The following IFT88 variants were observed in gnomAD, a reference collection of about 807,000 sequenced individuals.
IFT88 encodes the protein intraflagellar transport protein 88 homolog.
IFT88 carries 74 observed loss-of-function variants against 119.5 expected under a neutral mutation model. That is an observed-to-expected ratio of 0.62 (90% CI 0.51 to 0.75). IFT88 has a LOEUF of 0.75. Ranked by LOEUF, IFT88 falls within the 30% of genes least tolerant of loss-of-function variation. The probability of loss-of-function intolerance (pLI) is 0.00; values close to 1 mark genes in which losing one functional copy is unlikely to be tolerated. For missense variants in IFT88, 961 were observed against 977.7 expected, an observed-to-expected ratio of 0.98 and a Z score of 0.23; for synonymous variants, 279 against 316.7, an observed-to-expected ratio of 0.88 and a Z score of 1.26.
At chr13:20,569,487 G>A (rs1295351037) in intron 1 of IFT88, among the ~76,000 whole-genome samples, 1 of 151,742 alleles carries the variant, frequency 6.6e-6, no homozygotes, top group Non-Finnish European at 1.5e-5. Context: ...GCAGGAGAAT[G>A]GCGTGAACTC....
At chr13:20,572,120 T>C (rs2137873753) in intron 1 of IFT88, among the ~76,000 whole-genome samples, 1 of 152,320 alleles carries the variant, frequency 6.6e-6, no homozygotes, top group South Asian at 2.1e-4. Context: ...GAATTTTATG[T>C]TGAATGTTAC....
chr13:20,611,765 C>T (rs1426581037), intron 13 of IFT88, among the ~76,000 whole-genome samples: 7 of 151,970 alleles, frequency 4.6e-5, no homozygotes, highest in East Asian at 2.0e-4. Context: ...CCACCATGCC[C>T]GGCTAATTTT....
intron 25 of IFT88, 76 bp from the exon 26 acceptor site, chr13:20,690,977 GA>G (rs2058412796): frequency 6.5e-7 from 1 of 1,541,450 alleles, no homozygotes; most frequent in Non-Finnish European, 8.9e-7. Context: ...TATTCATTTT[GA>G]CTATGAGCCT....
chr13:20,611,660 A>C, intron 13 of IFT88, among the ~76,000 whole-genome samples: 1 of 151,996 alleles, frequency 6.6e-6, no homozygotes, highest in East Asian at 1.9e-4. Context: ...GCTGGAGTGC[A>C]ATGGCACAAT....
At chr13:20,654,281 C>T (rs77570005) in intron 21 of IFT88, among the ~76,000 whole-genome samples, 1,809 of 152,196 alleles carry the variant, frequency 0.012, 17 homozygotes, top group Non-Finnish European at 0.019. Context: ...CCTGTGTGCT[C>T]GGCCAAATTT....
intron 1 of IFT88, among the ~76,000 whole-genome samples, chr13:20,570,716 G>A (rs796568171): frequency 3.4e-4 from 52 of 152,278 alleles, no homozygotes; most frequent in African/African-American, 1.2e-3. Context: ...GGGAGGCATG[G>A]AGAGCTGCTA....
intron 15 of IFT88, 100 bp from the exon 16 acceptor site, chr13:20,630,916 C>G: frequency 1.5e-6 from 1 of 667,452 alleles, no homozygotes; most frequent in Non-Finnish European, 2.6e-6. Flanking sequence ...TTGTGCCCTT[C>G]CCTGGTCTTA....
Position 20,690,797 on chromosome 13 carries a change from A to G in IFT88, c.2335A>G (p.Ser779Gly), listed in dbSNP as rs1183896713. Residue 779 changes from serine (S) to glycine (G), a missense_variant, in exon 25 of 26, where the codon AGC becomes GGC. Ser to Gly is a moderately conservative substitution (Grantham distance 56, BLOSUM62 0). Transcript: ENST00000351808. The stretch of plus-strand genomic sequence containing the variant: ...TGGGACAAATGAACCTTATGAAAGT[A>G]GCAGTAACAAAGAAATAGGCAAGTA... Reference protein sequence around the residue: ...LPGTNEPYESSSNKEIDASYV... With the variant: ...LPGTNEPYESGSNKEIDASYV... 2.4e-5 allele frequency: 39 copies of G among 1,612,634 alleles called. No individual in the cohort carries two copies. The highest frequency in any genetic ancestry group is 3.2e-5 in the Non-Finnish European group (38 of 1,178,626).
In IFT88 at chr13:20,598,728, C is replaced by G. The variant is rs1465191410; in HGVS notation, c.672C>G (p.Val224=). ...AEALNTYQVI[V]KNKMFSNAGI... ...CACTTAACACTTATCAAGTTATAGT[C>G]AAAAATAAGATGTTTAGCAATGCAG... is the stretch of plus-strand genomic sequence containing the variant. The change falls in exon 10 of 26, where the codon GTC becomes GTG. Residue 224 remains valine (V), a synonymous_variant. Coordinates refer to ENST00000351808, the MANE Select transcript of IFT88 (RefSeq NM_006531.5). The G allele has an allele frequency of 1.2e-6, 2 of 1,606,006 alleles. No individual in the cohort carries two copies. The highest frequency in any genetic ancestry group is 1.7e-6 in the Non-Finnish European group (2 of 1,173,830).
At chr13:20,569,811 A>G (rs544961754) in intron 1 of IFT88, among the ~76,000 whole-genome samples, 236 of 151,178 alleles carry the variant, frequency 1.6e-3, no homozygotes, top group Non-Finnish European at 2.5e-3. Context: ...GGCGGATCAC[A>G]AGGTCAGGAG....
intron 22 of IFT88, among the ~76,000 whole-genome samples, chr13:20,658,098 A>ATT (rs763686060): frequency 2.1e-5 from 3 of 143,248 alleles, no homozygotes; most frequent in Non-Finnish European, 1.5e-5. Flanking sequence ...TAATTCTAGA[A>ATT]TTTTTTTTTT....
intron 20 of IFT88, among the ~76,000 whole-genome samples, chr13:20,646,111 A>ATC (rs2050711196): frequency 6.6e-6 from 1 of 151,860 alleles, no homozygotes; most frequent in Non-Finnish European, 1.5e-5. Context: ...TAAATGTCAG[A>ATC]TGTTGATTAA....
Position 20,598,678 on chromosome 13 carries a change from T to G in IFT88, c.622T>G (p.Ser208Ala), listed in dbSNP as rs773720756. The change falls in exon 10 of 26, where the codon TCA becomes GCA. Residue 208 changes from serine to alanine, a missense_variant. Ser to Ala is a moderately conservative substitution (Grantham distance 99). Transcript: ENST00000351808. ...TCTTTTCAATTTGGCCAGTCAGTAT[T>G]CAGTTAATGAAATGTATGCCGAAGC... ...SVLFNLASQY[S>A]VNEMYAEALN... 3.7e-6 allele frequency: 6 copies of G among 1,610,998 alleles called. No homozygotes were observed. Among genetic ancestry groups the G allele is most frequent in the Non-Finnish European group, 5.1e-6 (6 of 1,177,866 alleles).
chr13:20,614,163 C>T (rs773162737), intron 13 of IFT88, among the ~76,000 whole-genome samples: 4 of 152,136 alleles, frequency 2.6e-5, no homozygotes, highest in South Asian at 2.1e-4. Context: ...TAAAATTACA[C>T]GCCATGACCA....
chr13:20,645,592 C>T (rs552882631), intron 20 of IFT88, among the ~76,000 whole-genome samples: 2 of 152,206 alleles, frequency 1.3e-5, no homozygotes, highest in South Asian at 4.1e-4. Flanking sequence ...AGTTTCATCT[C>T]TAAAAGAGTC....
intron 2 of IFT88, among the ~76,000 whole-genome samples, chr13:20,577,046 A>G (rs894705415): frequency 5.3e-5 from 8 of 152,082 alleles, no homozygotes. Flanking sequence ...TCTTGCACCA[A>G]TGTTTTATAG....
chr13:20,623,804 C>T (rs1304730739), intron 14 of IFT88, among the ~76,000 whole-genome samples: 1 of 152,158 alleles, frequency 6.6e-6, no homozygotes, highest in East Asian at 1.9e-4. Flanking sequence ...AAAAATTTCT[C>T]TCGGCAATGT....
intron 7 of IFT88, among the ~76,000 whole-genome samples, chr13:20,594,062 TAAA>T (rs564792434): frequency 2.2e-5 from 3 of 137,478 alleles, no homozygotes; most frequent in South Asian, 2.3e-4. Flanking sequence ...AAGAAAGACT[TAAA>T]AAAAAAAAAA....
chr13:20,607,725 G>C (rs1282549871), intron 13 of IFT88: 1 of 759,402 alleles, frequency 1.3e-6, no homozygotes, highest in Non-Finnish European at 2.4e-6. Flanking sequence ...TCCTGCTTCT[G>C]GCTGTCAGCG....
Sources: gnomAD v4.1 joint callset for allele counts (sites outside exome capture counted in the v4.1 genomes callset) on GRCh38, gnomAD v4.1.1 for gene constraint, MANE v1.5 for transcripts, NCBI Gene and HGNC (gene_info 2026-07-23, HGNC 2026-07-21) for gene names.